ASAP1: variants seen among roughly 807,000 people sequenced by gnomAD.
ASAP1 encodes the protein arf-GAP with SH3 domain, ANK repeat and PH domain-containing protein 1.
ASAP1 carries 43 observed loss-of-function variants against 145.2 expected under a neutral mutation model. The ratio of observed to expected loss-of-function variants is 0.30; its 90% CI spans 0.23 to 0.38. ASAP1 has a LOEUF of 0.38. Ranked by LOEUF, ASAP1 falls within the 10% of genes least tolerant of loss-of-function variation. The pLI, the probability that ASAP1 is intolerant of heterozygous loss-of-function variation, is 1.00. For synonymous variants in ASAP1, 546 were observed against 515.5 expected, an observed-to-expected ratio of 1.06 and a Z score of -0.80; for missense variants, 1,018 against 1,355.3, an observed-to-expected ratio of 0.75 and a Z score of 3.91.
Position 130,071,009 on chromosome 8 carries a change from G to GA in ASAP1, c.2701+5338_2701+5339insT, listed in dbSNP as rs1450787966. 1.9e-3 allele frequency among the ~76,000 whole-genome samples: 13 copies of GA among 7,012 alleles called. 2 individuals are homozygous for GA. The highest frequency in any genetic ancestry group is 7.3e-3 in the African/African-American group (8 of 1,102). 4.6% of individuals were successfully genotyped at this position (7,012 alleles called of 152,430 possible). On this transcript the variant is annotated intron_variant, in intron 27 of 29. Transcript: ENST00000518721. ...GGAGAGAGAGAGAGAGAGGGGAGGGGGGGAGAGAGAGAGAGAGAGAGAGAG... is the reference window on the plus strand; with the variant it reads ...GGAGAGAGAGAGAGAGAGGGGAGGGGAGGGAGAGAGAGAGAGAGAGAGAGAG...
chr8:130,135,726 T>C (rs1003567450), intron 14 of ASAP1, among the ~76,000 whole-genome samples: 8 of 152,232 alleles, frequency 5.3e-5, no homozygotes, highest in African/African-American at 1.9e-4. Flanking sequence ...AGATGCTCTA[T>C]AACTGCCAAC....
intron 1 of ASAP1, among the ~76,000 whole-genome samples, chr8:130,415,670 C>T (rs1446339675): frequency 5.9e-5 from 9 of 151,940 alleles, no homozygotes; most frequent in Admixed American, 5.9e-4. Flanking sequence ...TGCCTGTAAT[C>T]CCACCTACTC....
chr8:130,336,680 T>C (rs909727315), intron 3 of ASAP1, among the ~76,000 whole-genome samples: 8 of 152,204 alleles, frequency 5.3e-5, no homozygotes, highest in Admixed American at 2.0e-4. Flanking sequence ...GAGAGGAGCA[T>C]GGTAAAGCCA....
At chr8:130,147,675 C>T (rs1216458703) in intron 13 of ASAP1, among the ~76,000 whole-genome samples, 1 of 152,208 alleles carries the variant, frequency 6.6e-6, no homozygotes, top group Non-Finnish European at 1.5e-5. Context: ...ATAAAAGGCA[C>T]ATACAATAAG....
At chr8:130,422,410 A>T (rs2138714538) in intron 1 of ASAP1, among the ~76,000 whole-genome samples, 1 of 152,288 alleles carries the variant, frequency 6.6e-6, no homozygotes, top group Admixed American at 6.5e-5. Context: ...TAATTCCTTG[A>T]TAGAAAAGTA....
At chr8:130,234,275 A>G (rs1268896215) in intron 4 of ASAP1, among the ~76,000 whole-genome samples, 1 of 152,192 alleles carries the variant, frequency 6.6e-6, no homozygotes, top group Non-Finnish European at 1.5e-5. Context: ...GCTAAAACTG[A>G]GGAACTGAAT....
At chr8:130,068,380 C>T (rs567918582) in intron 27 of ASAP1, among the ~76,000 whole-genome samples, 1 of 152,156 alleles carries the variant, frequency 6.6e-6, no homozygotes, top group South Asian at 2.1e-4. Flanking sequence ...TTGTGGTTAC[C>T]AAGAAGGTAG....
intron 29 of ASAP1, among the ~76,000 whole-genome samples, chr8:130,055,632 G>A (rs979840017): frequency 6.6e-6 from 1 of 152,114 alleles, no homozygotes; most frequent in Non-Finnish European, 1.5e-5. Context: ...GGTGGCGAAT[G>A]GCAATTTTAT....
intron 25 of ASAP1, among the ~76,000 whole-genome samples, chr8:130,085,714 G>T (rs1394407844): frequency 7.9e-6 from 1 of 126,074 alleles, no homozygotes; most frequent in Non-Finnish European, 1.6e-5. Context: ...CAGCCTAAGC[G>T]ACAGAACAAG....
At position 130,246,091 on chromosome 8, in the gene ASAP1, G is replaced by A. The variant is rs150844180; in HGVS notation, c.187-9097C>T. Among the ~76,000 whole-genome samples the A allele has an allele frequency of 5.5e-4, 84 of 152,124 alleles. 1 individual carries two copies. Among genetic ancestry groups the A allele is most frequent in the African/African-American group, 2.0e-3 (81 of 41,526 alleles). ...CACTCCTCTCAATTAATCACTGCGA[G>A]TTGTAAAGGAAGTCTTACAAAGTCC... On this transcript the variant is annotated intron_variant, in intron 3 of 29. Coordinates refer to ENST00000518721, the MANE Select transcript of ASAP1 (RefSeq NM_018482.4).
chr8:130,113,467 C>T (rs716077), intron 23 of ASAP1, among the ~76,000 whole-genome samples: 24,429 of 152,210 alleles, frequency 0.16, 2,586 homozygotes, highest in East Asian at 0.44. Flanking sequence ...GGAATTTTTC[C>T]ATACTCTTAT....
At chr8:130,413,669 G>C (rs1055172799) in intron 1 of ASAP1, among the ~76,000 whole-genome samples, 2 of 152,088 alleles carry the variant, frequency 1.3e-5, no homozygotes, top group Non-Finnish European at 2.9e-5. Context: ...ATCCATCAAA[G>C]CATATCTGTG....
chr8:130,287,953 C>T (rs1821718447), intron 3 of ASAP1, among the ~76,000 whole-genome samples: 1 of 152,136 alleles, frequency 6.6e-6, no homozygotes. Context: ...TATCTCTTCC[C>T]CAGGCTTGTC....
chr8:130,201,020 A>G (rs1160478446), intron 5 of ASAP1, among the ~76,000 whole-genome samples: 1 of 152,202 alleles, frequency 6.6e-6, no homozygotes, highest in African/African-American at 2.4e-5. Flanking sequence ...AGTAGTGTCA[A>G]TATCACCTGG....
chr8:130,431,563 T>C (rs532346299), intron 1 of ASAP1, among the ~76,000 whole-genome samples: 1 of 152,296 alleles, frequency 6.6e-6, no homozygotes, highest in East Asian at 1.9e-4. Flanking sequence ...TATTCGTTAT[T>C]TAAGATTCGG....
At chr8:130,091,590 A>G (rs915990944) in intron 25 of ASAP1, among the ~76,000 whole-genome samples, 1 of 152,206 alleles carries the variant, frequency 6.6e-6, no homozygotes, top group Non-Finnish European at 1.5e-5. Flanking sequence ...TGTTAAGGAG[A>G]AAAGTGACCA....
At chr8:130,412,744 TG>T (rs1441438199) in intron 1 of ASAP1, among the ~76,000 whole-genome samples, 3 of 151,960 alleles carry the variant, frequency 2.0e-5, no homozygotes, top group Non-Finnish European at 4.4e-5. Context: ...CTCCACGTCC[TG>T]GGTTCAAGTG....
chr8:130,353,256 G>C (rs1305255547), intron 3 of ASAP1, among the ~76,000 whole-genome samples: 2 of 152,138 alleles, frequency 1.3e-5, no homozygotes, highest in Non-Finnish European at 2.9e-5. Context: ...GTATATAGCA[G>C]GGCCTCCCCA....
Position 130,054,650 on chromosome 8 carries a change from A to G in ASAP1, c.*81T>C. ...AGTTTCTTACTCTGTAACAGCAGCTATATACACACTGTGCCCAGGGTTACA... is the reference window on the plus strand; with the variant it reads ...AGTTTCTTACTCTGTAACAGCAGCTGTATACACACTGTGCCCAGGGTTACA... On this transcript the variant is annotated 3_prime_UTR_variant, in exon 30 of 30. Coordinates refer to ENST00000518721, the MANE Select transcript of ASAP1 (RefSeq NM_018482.4). The G allele has an allele frequency of 2.5e-6, 3 of 1,202,802 alleles. No homozygotes were observed. Among genetic ancestry groups the G allele is most frequent in the Non-Finnish European group, 3.7e-6 (3 of 808,680 alleles). 74.5% of individuals were successfully genotyped at this position (1,202,802 alleles called of 1,614,324 possible).
Sources: gnomAD v4.1 joint callset for allele counts (sites outside exome capture counted in the v4.1 genomes callset) on GRCh38, gnomAD v4.1.1 for gene constraint, MANE v1.5 for transcripts, NCBI Gene and HGNC (gene_info 2026-07-23, HGNC 2026-07-21) for gene names.